The following GBE1 variants were observed in gnomAD, a reference collection of about 807,000 sequenced individuals.
GBE1 encodes the protein 1,4-alpha-glucan branching enzyme 1, also known as 1,4-alpha-glucan-branching enzyme.
GBE1 carries 70 observed loss-of-function variants against 88.8 expected under a neutral mutation model. That is an observed-to-expected ratio of 0.79 (90% CI 0.65 to 0.96). The LOEUF is 0.96. Ranked by LOEUF, GBE1 falls within the 40% of genes least tolerant of loss-of-function variation. The probability of loss-of-function intolerance (pLI) is 0.00; values close to 1 mark genes in which losing one functional copy is unlikely to be tolerated. For missense variants in GBE1, 872 were observed against 871.0 expected (o/e 1.00, Z -0.01); for synonymous variants, 284 against 300.1 (o/e 0.95, Z 0.56).
chr3:81,603,666 T>A (rs1388464094), intron 7 of GBE1, among the ~76,000 whole-genome samples: 1 of 152,058 alleles, frequency 6.6e-6, no homozygotes, highest in African/African-American at 2.4e-5. Context: ...AGCTAATTTT[T>A]TGTATTTTTA....
At chr3:81,585,950 AT>A (rs1392349952) in intron 10 of GBE1, 141 bp downstream of exon 10, 2 of 524,998 alleles carry the variant, frequency 3.8e-6, no homozygotes, top group Non-Finnish European at 6.5e-6. Context: ...ATTAAAAAGC[AT>A]AAGAATCGAC....
chr3:81,632,848 G>A (rs1352605155), intron 7 of GBE1, among the ~76,000 whole-genome samples: 1 of 152,084 alleles, frequency 6.6e-6, no homozygotes, highest in African/African-American at 2.4e-5. Context: ...TGCCCAGAGG[G>A]ACAATTACAC....
At chr3:81,515,447 G>A (rs1203626583) in intron 14 of GBE1, among the ~76,000 whole-genome samples, 1 of 151,404 alleles carries the variant, frequency 6.6e-6, no homozygotes, top group African/African-American at 2.4e-5. Flanking sequence ...ATAAATGTGT[G>A]TGTTGACTCC....
intron 1 of GBE1, among the ~76,000 whole-genome samples, chr3:81,746,588 ATCAAATTAAAATGATAAG>A (rs1226070408): frequency 3.3e-5 from 5 of 152,234 alleles, no homozygotes; most frequent in East Asian, 1.9e-4. Flanking sequence ...AAAATAAAAA[ATCAAATTAAAATGATAAG>A]TCAAATTAAA....
chr3:81,761,306 C>A (rs895006458), intron 1 of GBE1, 69 bp downstream of exon 1: 24 of 1,532,946 alleles, frequency 1.6e-5, no homozygotes, highest in Middle Eastern at 2.1e-4. Context: ...AGGGGCGGCC[C>A]GTGTCCCGAG....
chr3:81,589,215 C>T (rs959559517), intron 9 of GBE1, among the ~76,000 whole-genome samples: 1 of 151,694 alleles, frequency 6.6e-6, no homozygotes, highest in Admixed American at 6.6e-5. Flanking sequence ...ATACATCAAT[C>T]AAAAATGTTT....
At chr3:81,534,963 C>T (rs1294535324) in intron 14 of GBE1, 5 of 415,608 alleles carry the variant, frequency 1.2e-5, no homozygotes, top group Non-Finnish European at 2.1e-5. Context: ...ATGTGAACCA[C>T]GTCTGCACTA....
chr3:81,566,703 TA>T (rs1457220999), intron 12 of GBE1, among the ~76,000 whole-genome samples: 1 of 152,164 alleles, frequency 6.6e-6, no homozygotes, highest in African/African-American at 2.4e-5. Flanking sequence ...ACTGAGAATA[TA>T]AAAGTTATCA....
At chr3:81,652,647 G>A (rs939034082) in intron 3 of GBE1, among the ~76,000 whole-genome samples, 1 of 152,142 alleles carries the variant, frequency 6.6e-6, no homozygotes, top group African/African-American at 2.4e-5. Context: ...CCTGGATTTT[G>A]CAAGTATTTT....
intron 11 of GBE1, 64 bp downstream of exon 11, chr3:81,581,100 TA>T (rs1161825397): frequency 1.1e-6 from 1 of 892,726 alleles, no homozygotes; most frequent in Non-Finnish European, 1.8e-6. Flanking sequence ...AATATGTTAT[TA>T]AGGAGAGGGA....
chr3:81,604,827 C>A (rs1417331994), intron 7 of GBE1, among the ~76,000 whole-genome samples: 1 of 152,078 alleles, frequency 6.6e-6, no homozygotes, highest in Non-Finnish European at 1.5e-5. Context: ...TTTTCCTCTT[C>A]TTTTCTTCCT....
chr3:81,735,196 G>C (rs1371310506), intron 1 of GBE1, among the ~76,000 whole-genome samples: 2 of 152,136 alleles, frequency 1.3e-5, no homozygotes, highest in African/African-American at 4.8e-5. Context: ...AAGCAACTAA[G>C]AGTCACTCTC....
At chr3:81,581,526 T>C (rs1350015199) in intron 10 of GBE1, among the ~76,000 whole-genome samples, 1 of 151,982 alleles carries the variant, frequency 6.6e-6, no homozygotes, top group Non-Finnish European at 1.5e-5. Flanking sequence ...GCAGACAGTT[T>C]AATCATTATA....
intron 10 of GBE1, among the ~76,000 whole-genome samples, chr3:81,582,244 A>C (rs1703741683): frequency 1.3e-5 from 2 of 152,108 alleles, no homozygotes; most frequent in Admixed American, 1.3e-4. Context: ...CCATCCATAG[A>C]TGTTCACAAC....
intron 2 of GBE1, among the ~76,000 whole-genome samples, chr3:81,683,993 T>A (rs943408183): frequency 1.3e-5 from 2 of 152,058 alleles, no homozygotes; most frequent in African/African-American, 4.8e-5. Flanking sequence ...ACAAAAAAAA[T>A]AGGAAGACTT....
At chr3:81,525,024 C>G (rs556630506) in intron 14 of GBE1, among the ~76,000 whole-genome samples, 37 of 151,748 alleles carry the variant, frequency 2.4e-4, no homozygotes, top group Non-Finnish European at 4.6e-4. Flanking sequence ...GGTATACGGC[C>G]ATTCAGGAAT....
chr3:81,619,100 T>C (rs547806869), intron 7 of GBE1, among the ~76,000 whole-genome samples: 1 of 152,258 alleles, frequency 6.6e-6, no homozygotes, highest in Admixed American at 6.5e-5. Flanking sequence ...AAACGGTATC[T>C]CTGGTAAAAT....
chr3:81,589,089 A>G (rs1703840857), intron 9 of GBE1, among the ~76,000 whole-genome samples: 1 of 152,146 alleles, frequency 6.6e-6, no homozygotes, highest in Non-Finnish European at 1.5e-5. Context: ...CTAAATATAA[A>G]ACAATTGATG....
At chr3:81,758,445 C>T (rs2107246214) in intron 1 of GBE1, among the ~76,000 whole-genome samples, 1 of 152,346 alleles carries the variant, frequency 6.6e-6, no homozygotes, top group South Asian at 2.1e-4. Flanking sequence ...CATAGTTCAA[C>T]ATGCTTCTCT....
Sources: allele counts gnomAD v4.1 joint callset (sites outside exome capture counted in the v4.1 genomes callset), GRCh38; gene constraint gnomAD v4.1.1; transcripts MANE v1.5; gene names NCBI Gene and HGNC (gene_info 2026-07-23, HGNC 2026-07-21).